The following OPCML variants were observed in gnomAD, a reference collection of about 807,000 sequenced individuals.
OPCML encodes opioid binding protein/cell adhesion molecule like, also known as opioid-binding protein/cell adhesion molecule.
In OPCML, 13 loss-of-function variants were observed where a neutral mutation model predicts 37.8. That is an observed-to-expected ratio of 0.34 (90% CI 0.22 to 0.55). OPCML has a LOEUF of 0.55. OPCML is among the 20% of genes least tolerant of loss of function. The pLI, the probability that OPCML is intolerant of heterozygous loss-of-function variation, is 0.91. For synonymous variants in OPCML, 176 were observed against 168.8 expected, an observed-to-expected ratio of 1.04 and a Z score of -0.33; for missense variants, 341 against 435.6, an observed-to-expected ratio of 0.78 and a Z score of 1.93.
At chr11:133,153,961 G>C (rs1022627713) in intron 1 of OPCML, among the ~76,000 whole-genome samples, 1 of 151,996 alleles carries the variant, frequency 6.6e-6, no homozygotes, top group African/African-American at 2.4e-5. Context: ...CCGAGAACAC[G>C]GAAGTGCCCA....
In OPCML at chr11:133,173,144, T is replaced by C. The variant is rs945818144; in HGVS notation, c.62-230134A>G. Among the ~76,000 whole-genome samples, 2 of 152,200 alleles carry C rather than the reference T, an allele frequency of 1.3e-5. No individual in the cohort carries two copies. Among genetic ancestry groups the C allele is most frequent in the African/African-American group, 4.8e-5 (2 of 41,440 alleles). ...TAGCCATTTCCAACAACCACACCCA[T>C]GCTTTAAAAAAATTACATGTGAGGG... On this transcript the variant is annotated intron_variant, in intron 1 of 7. Coordinates refer to ENST00000524381, the MANE Select transcript of OPCML (RefSeq NM_001012393.5). This position sits in a 1 kb window ranked among gnomAD's most constrained non-coding sequence, Gnocchi z 7.8.
intron 1 of OPCML, among the ~76,000 whole-genome samples, chr11:133,038,145 G>A (rs1264641806): frequency 2.0e-5 from 3 of 152,236 alleles, no homozygotes; most frequent in Admixed American, 6.5e-5. Flanking sequence ...CCTGGGAACC[G>A]AGTGCATGGG....
At chr11:133,406,760 C>T (rs748254533) in intron 1 of OPCML, among the ~76,000 whole-genome samples, 1 of 152,162 alleles carries the variant, frequency 6.6e-6, no homozygotes, top group Non-Finnish European at 1.5e-5. Flanking sequence ...ATTCAGAGGT[C>T]AGGGGACTGG....
In OPCML at chr11:132,732,303, G is replaced by A. The variant is rs988603671; in HGVS notation, c.147-74984C>T. 2.0e-5 allele frequency among the ~76,000 whole-genome samples: 3 copies of A among 152,232 alleles called. No homozygotes were observed. In the South Asian group the frequency reaches 6.2e-4, roughly 31 times the overall value. ...AATGACAACTAAGTCATACACCTAA[G>A]TGGGGGATAAATGAAAGGAAAATTC... On this transcript the variant is annotated intron_variant, in intron 2 of 7. Transcript: ENST00000524381.
chr11:133,319,813 G>A (rs893639099), intron 1 of OPCML, among the ~76,000 whole-genome samples: 2 of 152,160 alleles, frequency 1.3e-5, no homozygotes, highest in Admixed American at 6.5e-5. Context: ...TCCTGAGGTC[G>A]CCCTGGAGGA....
chr11:133,197,200 G>A (rs912954818), intron 1 of OPCML, among the ~76,000 whole-genome samples: 21 of 152,110 alleles, frequency 1.4e-4, no homozygotes, highest in Admixed American at 2.6e-4. Flanking sequence ...CTTCCTTACC[G>A]GCACCCTGAG....
intron 4 of OPCML, among the ~76,000 whole-genome samples, chr11:132,480,560 A>G (rs2096176046): frequency 6.6e-6 from 1 of 152,240 alleles, no homozygotes; most frequent in African/African-American, 2.4e-5. Flanking sequence ...TCCAAGACAC[A>G]TAATTGTCAG....
intron 7 of OPCML, among the ~76,000 whole-genome samples, chr11:132,422,868 TGAGA>T (rs1429796487): frequency 1.3e-5 from 2 of 152,204 alleles, no homozygotes; most frequent in Admixed American, 6.5e-5. Flanking sequence ...TATCATGGTG[TGAGA>T]GAAACAATGG....
intron 1 of OPCML, among the ~76,000 whole-genome samples, chr11:133,116,842 C>G (rs1353384004): frequency 7.4e-6 from 1 of 135,078 alleles, no homozygotes; most frequent in African/African-American, 2.8e-5. Context: ...CCTCCTCAGA[C>G]ATTCATCCAA....
rs944119639 is a variant in OPCML at position 132,555,078 on chromosome 11, T to G, written c.380-25892A>C. Among the ~76,000 whole-genome samples the G allele has an allele frequency of 5.3e-5, 8 of 152,096 alleles. No individual in the cohort carries two copies. The East Asian group carries it at 1.6e-3, about 30-fold the overall frequency. ...CACTGCGTGATGAAGACCAGCATGA[T>G]TCCCTCTGAGACAGTAGGGGAAGGA... On this transcript the variant is annotated intron_variant, in intron 3 of 7. Transcript: ENST00000524381.
chr11:132,900,451 T>C (rs1423067236), intron 2 of OPCML, among the ~76,000 whole-genome samples: 1 of 152,066 alleles, frequency 6.6e-6, no homozygotes, highest in East Asian at 1.9e-4. Context: ...TCCCAAAGGG[T>C]CTCCAGGTGC....
At chr11:132,990,277 G>A (rs761633762) in intron 1 of OPCML, among the ~76,000 whole-genome samples, 4 of 152,170 alleles carry the variant, frequency 2.6e-5, no homozygotes, top group Admixed American at 6.5e-5. Context: ...TTAGCTGTGC[G>A]TAACTCAGAG....
intron 3 of OPCML, among the ~76,000 whole-genome samples, chr11:132,555,876 T>G (rs1419216134): frequency 6.6e-6 from 1 of 152,174 alleles, no homozygotes; most frequent in Non-Finnish European, 1.5e-5. Context: ...GGATGATCTC[T>G]TTACAAAGAG....
At chr11:132,608,699 C>T (rs1219768249) in intron 3 of OPCML, among the ~76,000 whole-genome samples, 3 of 152,166 alleles carry the variant, frequency 2.0e-5, no homozygotes, top group Non-Finnish European at 2.9e-5. Context: ...GGAGAGTAAA[C>T]TAACCTTTAC....
chr11:133,313,262 A>G (rs1943110382), intron 1 of OPCML, among the ~76,000 whole-genome samples: 1 of 152,224 alleles, frequency 6.6e-6, no homozygotes, highest in African/African-American at 2.4e-5. Context: ...AAATGAATGA[A>G]TGACATATTC....
chr11:132,735,148 A>T (rs917828935), intron 2 of OPCML, among the ~76,000 whole-genome samples: 1 of 152,180 alleles, frequency 6.6e-6, no homozygotes, highest in African/African-American at 2.4e-5. Flanking sequence ...ATACTCCCAG[A>T]ATCTCTAGAT....
chr11:133,061,146 G>C (rs1370757621), intron 1 of OPCML, among the ~76,000 whole-genome samples: 1 of 152,202 alleles, frequency 6.6e-6, no homozygotes, highest in Non-Finnish European at 1.5e-5. Context: ...GATTACAAGA[G>C]TGTATCACCA....
chr11:133,515,494 G>A (rs936255377), intron 1 of OPCML, among the ~76,000 whole-genome samples: 12 of 152,118 alleles, frequency 7.9e-5, no homozygotes, highest in Non-Finnish European at 1.3e-4. Context: ...CAAGAGTGCC[G>A]GGGTTGAAAA....
chr11:133,519,607 C>A (rs149315839), intron 1 of OPCML, among the ~76,000 whole-genome samples: 2 of 152,164 alleles, frequency 1.3e-5, no homozygotes, highest in Admixed American at 6.5e-5. Flanking sequence ...TTGATTTCTC[C>A]CATCTCCCCT....
Sources: gnomAD v4.1 joint callset for allele counts (sites outside exome capture counted in the v4.1 genomes callset) on GRCh38, gnomAD v4.1.1 for gene constraint, Gnocchi (gnomAD v3.1) non-coding constraint, MANE v1.5 for transcripts, NCBI Gene and HGNC (gene_info 2026-07-23, HGNC 2026-07-21) for gene names.